ADGRA1: variants seen among roughly 807,000 people sequenced by gnomAD.
ADGRA1 encodes adhesion G protein-coupled receptor A1.
Under a neutral mutation model 21.3 loss-of-function variants are expected in ADGRA1, and 12 were observed. The observed-to-expected ratio is 0.56, with a 90% CI of 0.36 to 0.91. ADGRA1 has a LOEUF of 0.91. ADGRA1 is among the 40% of genes least tolerant of loss of function. The probability of loss-of-function intolerance (pLI) is 0.01; values close to 1 mark genes in which losing one functional copy is unlikely to be tolerated. For missense variants in ADGRA1, 790 were observed against 805.6 expected (o/e 0.98, Z 0.23); for synonymous variants, 385 against 368.8 (o/e 1.04, Z -0.50).
In ADGRA1 at chr10:133,128,036, C is replaced by T. The variant is rs1168420130; in HGVS notation, c.501-293C>T. 7.9e-4 allele frequency among the ~76,000 whole-genome samples: 77 copies of T among 97,190 alleles called. 1 individual carries two copies. The highest frequency in any genetic ancestry group is 3.1e-3 in the African/African-American group (73 of 23,676). 63.8% of individuals were successfully genotyped at this position (97,190 alleles called of 152,430 possible). On this transcript the variant is annotated intron_variant, in intron 6 of 6. Coordinates refer to ENST00000392607, the MANE Select transcript of ADGRA1 (RefSeq NM_001083909.3). ...CCAGCCCCACCCACCCAGCTCTGTC[C>T]TTCCTGCCCCTGCCCACCCAGACCC...
intron 2 of ADGRA1, among the ~76,000 whole-genome samples, chr10:133,096,555 G>A (rs1414751747): frequency 6.6e-6 from 1 of 152,244 alleles, no homozygotes; most frequent in Non-Finnish European, 1.5e-5. Context: ...GGCTCCCAGT[G>A]CAGGGCTGGG....
chr10:133,123,715 C>G (rs548097299), intron 5 of ADGRA1, among the ~76,000 whole-genome samples: 1 of 28,538 alleles, frequency 3.5e-5, no homozygotes, highest in African/African-American at 2.4e-4. Context: ...CTGCCTCCCT[C>G]CCCCCCCCCG....
intron 5 of ADGRA1, among the ~76,000 whole-genome samples, chr10:133,104,968 C>T (rs980159356): frequency 2.0e-5 from 3 of 152,174 alleles, no homozygotes; most frequent in Non-Finnish European, 4.4e-5. Context: ...ACGGTCTGCC[C>T]TCCAGGCCCT....
At chr10:133,127,094 G>C in intron 5 of ADGRA1, 139 bp from the exon 6 acceptor site, 1 of 521,282 alleles carries the variant, frequency 1.9e-6, no homozygotes, top group Non-Finnish European at 3.3e-6. Context: ...CGGGGGTCGG[G>C]GGTCGGGGTT....
intron 3 of ADGRA1, 43 bp from the exon 4 acceptor site, chr10:133,098,597 C>T (rs1355306769): frequency 1.3e-6 from 2 of 1,579,778 alleles, no homozygotes; most frequent in Non-Finnish European, 8.6e-7. Flanking sequence ...CCTCCCCCTG[C>T]AGAGCCTCTG....
chr10:133,127,434 A>G, intron 6 of ADGRA1, 103 bp downstream of exon 6: 2 of 892,776 alleles, frequency 2.2e-6, no homozygotes, highest in South Asian at 3.2e-5. Context: ...ACGAAGCAGC[A>G]AGGCCTGGGC....
chr10:133,111,134 G>A (rs1362592122), intron 5 of ADGRA1, among the ~76,000 whole-genome samples: 1 of 148,168 alleles, frequency 6.7e-6, no homozygotes, highest in African/African-American at 2.5e-5. Flanking sequence ...TGCCCGCCAG[G>A]GGTGCCTCCT....
At chr10:133,118,334 A>G (rs560828154) in intron 5 of ADGRA1, among the ~76,000 whole-genome samples, 90 of 152,336 alleles carry the variant, frequency 5.9e-4, no homozygotes, top group Non-Finnish European at 1.2e-3. Flanking sequence ...ACTACAGTAG[A>G]GTATAAATAC....
At chr10:133,089,623 G>C (rs765800531) in intron 2 of ADGRA1, among the ~76,000 whole-genome samples, 2 of 152,246 alleles carry the variant, frequency 1.3e-5, no homozygotes, top group African/African-American at 4.8e-5. Context: ...CCCAGGGCAC[G>C]TGCAGAGAAT....
chr10:133,090,323 C>T (rs938391486), intron 2 of ADGRA1, among the ~76,000 whole-genome samples: 3 of 152,226 alleles, frequency 2.0e-5, no homozygotes, highest in Admixed American at 1.3e-4. Flanking sequence ...CTCCTCGGCC[C>T]GGGGCCACCC....
At chr10:133,095,333 G>A (rs2135867191) in intron 2 of ADGRA1, among the ~76,000 whole-genome samples, 1 of 152,302 alleles carries the variant, frequency 6.6e-6, no homozygotes, top group East Asian at 1.9e-4. Context: ...AAAACCCTCA[G>A]GGGCCTCTGT....
intron 6 of ADGRA1, among the ~76,000 whole-genome samples, 154 bp from the exon 7 acceptor site, chr10:133,128,175 T>C: frequency 6.7e-6 from 1 of 148,160 alleles, no homozygotes; most frequent in Non-Finnish European, 1.5e-5. Context: ...CCATCCACAC[T>C]CTCAGCGACT....
chr10:133,109,209 C>G (rs1285097420), intron 5 of ADGRA1, among the ~76,000 whole-genome samples: 2 of 152,104 alleles, frequency 1.3e-5, no homozygotes, highest in Non-Finnish European at 2.9e-5. Context: ...TCTCTACCCC[C>G]TTTCCCAGAT....
At chr10:133,113,357 C>T (rs1383058426) in intron 5 of ADGRA1, among the ~76,000 whole-genome samples, 1 of 152,240 alleles carries the variant, frequency 6.6e-6, no homozygotes, top group African/African-American at 2.4e-5. Flanking sequence ...ATGCCTGCTC[C>T]CGCCTTCACC....
chr10:133,098,805 A>G (rs1190701013), intron 4 of ADGRA1, 42 bp downstream of exon 4: 1 of 1,585,508 alleles, frequency 6.3e-7, no homozygotes, highest in Admixed American at 1.8e-5. Flanking sequence ...CCAGAGGGGA[A>G]CTGCGTGAGC....
At chr10:133,118,459 G>A (rs116961103) in intron 5 of ADGRA1, among the ~76,000 whole-genome samples, 2,921 of 152,234 alleles carry the variant, frequency 0.019, 39 homozygotes, top group Non-Finnish European at 0.027. Flanking sequence ...TGACTGGGAG[G>A]CCTCAGGAAA....
rs1852471087 is a variant in ADGRA1 at position 133,129,584 on chromosome 10, C to G, written c.*73C>G. The G allele has an allele frequency of 7.5e-7, 1 of 1,336,888 alleles. No homozygotes were observed. The highest frequency in any genetic ancestry group is 1.0e-6 in the Non-Finnish European group (1 of 993,666). 82.8% of individuals were successfully genotyped at this position (1,336,888 alleles called of 1,614,324 possible). On this transcript the variant is annotated 3_prime_UTR_variant, in exon 7 of 7. Coordinates refer to ENST00000392607, the MANE Select transcript of ADGRA1 (RefSeq NM_001083909.3). ...GGGGGGCCCATCTGCCACATGAGGT[C>G]ACTGGGGGTACCGAAGTGACCCCGC...
intron 5 of ADGRA1, among the ~76,000 whole-genome samples, chr10:133,122,623 C>G (rs936537206): frequency 3.9e-5 from 6 of 152,218 alleles, no homozygotes; most frequent in African/African-American, 1.4e-4. Context: ...TAGGAAGATG[C>G]CAGACACACC....
chr10:133,095,811 G>A (rs747416558), intron 2 of ADGRA1: 1 of 1,591,692 alleles, frequency 6.3e-7, no homozygotes, highest in Non-Finnish European at 8.5e-7. Context: ...GGCCCTTCCT[G>A]CACAGGAGGG....
Sources: allele counts gnomAD v4.1 joint callset (sites outside exome capture counted in the v4.1 genomes callset), GRCh38; gene constraint gnomAD v4.1.1; transcripts MANE v1.5; gene names NCBI Gene and HGNC (gene_info 2026-07-23, HGNC 2026-07-21).